The following TP63 variants were observed in gnomAD, a reference collection of about 807,000 sequenced individuals.
TP63 encodes the protein tumor protein 63.
Under a neutral mutation model 82.8 loss-of-function variants are expected in TP63, and 17 were observed. The ratio of observed to expected loss-of-function variants is 0.21; its 90% CI spans 0.14 to 0.31. The LOEUF is 0.31. TP63 is among the 10% of genes least tolerant of loss of function. TP63 has a pLI of 1.00. For synonymous variants in TP63, 330 were observed against 321.7 expected, an observed-to-expected ratio of 1.03 and a Z score of -0.28; for missense variants, 648 against 895.3, an observed-to-expected ratio of 0.72 and a Z score of 3.52.
intron 10 of TP63, among the ~76,000 whole-genome samples, chr3:189,878,016 C>T (rs570905267): frequency 2.2e-4 from 33 of 152,000 alleles, no homozygotes; most frequent in African/African-American, 6.5e-4. Context: ...GTGCCTGGCA[C>T]GTTTTTCTGA....
intron 1 of TP63, among the ~76,000 whole-genome samples, chr3:189,663,963 A>G (rs1459701967): frequency 6.6e-6 from 1 of 152,132 alleles, no homozygotes; most frequent in African/African-American, 2.4e-5. Flanking sequence ...ATATATATCT[A>G]TTATTTCTTG....
At chr3:189,840,362 T>TC (rs1713860683) in intron 4 of TP63, among the ~76,000 whole-genome samples, 13 of 92,930 alleles carry the variant, frequency 1.4e-4, no homozygotes, top group East Asian at 3.3e-4. Context: ...TTTTCGTCTT[T>TC]TTTTTTTTTT....
At chr3:189,765,306 G>GTT (rs796573474) in intron 3 of TP63, among the ~76,000 whole-genome samples, 3 of 151,266 alleles carry the variant, frequency 2.0e-5, no homozygotes, top group Middle Eastern at 3.4e-3. Flanking sequence ...CCCGTATATT[G>GTT]TTTTTTTCCC....
chr3:189,771,352 AT>A (rs550022386), intron 3 of TP63, among the ~76,000 whole-genome samples: 236 of 135,804 alleles, frequency 1.7e-3, no homozygotes, highest in African/African-American at 6.0e-3. Flanking sequence ...TATATAATAT[AT>A]TAAATATATA....
intron 1 of TP63, among the ~76,000 whole-genome samples, chr3:189,722,925 A>G (rs1316160014): frequency 1.3e-5 from 2 of 152,238 alleles, no homozygotes; most frequent in East Asian, 3.8e-4. Flanking sequence ...TCTTTAATAA[A>G]ACTCTAAACA....
At chr3:189,722,630 A>C (rs1449237863) in intron 1 of TP63, among the ~76,000 whole-genome samples, 1 of 152,148 alleles carries the variant, frequency 6.6e-6, no homozygotes, top group Non-Finnish European at 1.5e-5. Context: ...GATAGTTAAG[A>C]ACTACTCCAG....
At chr3:189,643,062 C>A (rs113917245) in intron 1 of TP63, among the ~76,000 whole-genome samples, 1 of 151,616 alleles carries the variant, frequency 6.6e-6, no homozygotes, top group African/African-American at 2.4e-5. Context: ...AGTACAATGG[C>A]GCAATCTCAG....
In TP63 at chr3:189,663,769, C is replaced by T. The variant is rs148149594; in HGVS notation, c.62+32192C>T. Among the ~76,000 whole-genome samples, 1,207 of 152,062 alleles carry T rather than the reference C, an allele frequency of 7.9e-3. 13 individuals carry two copies. The Middle Eastern group carries it at 0.082, about 10-fold the overall frequency. ...TGTTGAACTCCTGACCTCAAGTGAT[C>T]CTCCCACCTCAGACTCCCAAAATGC... On this transcript the variant is annotated intron_variant, in intron 1 of 13. Transcript: ENST00000264731.
intron 4 of TP63, among the ~76,000 whole-genome samples, chr3:189,853,752 C>T (rs1479602077): frequency 2.0e-5 from 3 of 152,120 alleles, no homozygotes; most frequent in African/African-American, 7.2e-5. Flanking sequence ...AGGGCATAGA[C>T]TTTGTCTTTG....
intron 3 of TP63, among the ~76,000 whole-genome samples, chr3:189,777,670 A>G (rs534636259): frequency 6.6e-6 from 1 of 151,462 alleles, no homozygotes; most frequent in African/African-American, 2.4e-5. Flanking sequence ...CTCTGTTCCC[A>G]TAGAACTATG....
At chr3:189,610,923 G>A in the TP63 span, among the ~76,000 whole-genome samples, 6 of 152,128 alleles carry the variant, frequency 3.9e-5, no homozygotes, top group South Asian at 2.1e-4. Flanking sequence ...AAAAGAGAGC[G>A]CTTGTGCAGG....
chr3:189,746,894 G>T (rs1207094426), intron 3 of TP63, among the ~76,000 whole-genome samples: 1 of 150,440 alleles, frequency 6.6e-6, no homozygotes, highest in South Asian at 2.1e-4. Flanking sequence ...AGAAAAAATG[G>T]AAGAAAAGGA....
upstream of TP63, among the ~76,000 whole-genome samples, chr3:189,629,638 G>A (rs565911415): frequency 6.4e-4 from 97 of 152,202 alleles, 1 homozygote; most frequent in South Asian, 0.018. Context: ...ACCTGGGAAC[G>A]TGTTAGAAAT....
intron 1 of TP63, among the ~76,000 whole-genome samples, chr3:189,669,626 C>T (rs1162403079): frequency 6.6e-6 from 1 of 151,972 alleles, no homozygotes; most frequent in Admixed American, 6.6e-5. Context: ...TAGAACTATA[C>T]CCCATAAGCT....
chr3:189,841,497 A>G (rs146620289), intron 4 of TP63, among the ~76,000 whole-genome samples: 1 of 152,340 alleles, frequency 6.6e-6, no homozygotes, highest in East Asian at 1.9e-4. Context: ...TAAAAAGAAT[A>G]TCCCGCAGAT....
intron 1 of TP63, among the ~76,000 whole-genome samples, chr3:189,659,323 T>G (rs1035224126): frequency 6.6e-6 from 1 of 152,052 alleles, no homozygotes; most frequent in Non-Finnish European, 1.5e-5. Context: ...GGTTTTCTGT[T>G]CTGCATAATT....
rs1264443010 is a variant in TP63, at chr3:189,832,982, C to A, written c.579+24456C>A. On this transcript the variant is annotated intron_variant, in intron 4 of 13. Transcript: ENST00000264731. ...ATTTTTGCCTGTCCAAATTTAAGCA[C>A]GTTTAATGAGATAAAGAGAGCAGAG... is the stretch of plus-strand genomic sequence containing the variant. Among the ~76,000 whole-genome samples, 3 of 152,170 alleles carry A rather than the reference C, an allele frequency of 2.0e-5. No homozygotes were observed. In the South Asian group the frequency reaches 6.2e-4, roughly 31 times the overall value.
the TP63 span, among the ~76,000 whole-genome samples, chr3:189,612,492 C>T: frequency 1.3e-5 from 2 of 152,306 alleles, no homozygotes; most frequent in South Asian, 2.1e-4. Flanking sequence ...AATTAAACCT[C>T]CTTTCTTTGT....
chr3:189,880,224 T>C (rs1294577748), intron 10 of TP63: 2 of 1,597,500 alleles, frequency 1.3e-6, no homozygotes, highest in Non-Finnish European at 1.7e-6. Context: ...TTTCCATGTG[T>C]ATATGTGAGT....
Sources: gnomAD v4.1 joint callset for allele counts (sites outside exome capture counted in the v4.1 genomes callset) on GRCh38, gnomAD v4.1.1 for gene constraint, MANE v1.5 for transcripts, NCBI Gene and HGNC (gene_info 2026-07-23, HGNC 2026-07-21) for gene names.